ENPEP: variants seen among roughly 807,000 people sequenced by gnomAD.
ENPEP encodes glutamyl aminopeptidase.
A neutral mutation model predicts 114.5 loss-of-function variants in ENPEP; 103 were observed. That is an observed-to-expected ratio of 0.90 (90% CI 0.77 to 1.06). ENPEP has a LOEUF of 1.06. ENPEP is among the 50% of genes least tolerant of loss of function. The pLI is 0.00. For synonymous variants in ENPEP, 420 were observed against 422.0 expected, an observed-to-expected ratio of 1.00 and a Z score of 0.06; for missense variants, 1,196 against 1,161.3, an observed-to-expected ratio of 1.03 and a Z score of -0.43.
chr4:110,525,637 C>A (rs1726167453), intron 10 of ENPEP, among the ~76,000 whole-genome samples: 1 of 149,364 alleles, frequency 6.7e-6, no homozygotes, highest in African/African-American at 2.4e-5. Context: ...ATTAGAATAA[C>A]ACAAAAAGAT....
intron 3 of ENPEP, among the ~76,000 whole-genome samples, chr4:110,500,505 A>C (rs1725113529): frequency 6.6e-6 from 1 of 152,158 alleles, no homozygotes; most frequent in African/African-American, 2.4e-5. Flanking sequence ...ATATGCATGA[A>C]AGTTAGGTTC....
intron 10 of ENPEP, among the ~76,000 whole-genome samples, chr4:110,523,216 A>T (rs146187124): frequency 6.6e-6 from 1 of 152,196 alleles, no homozygotes. Flanking sequence ...AAGACTATAT[A>T]TAAAAATTAT....
At chr4:110,541,520 C>G (rs769902674) in intron 11 of ENPEP, among the ~76,000 whole-genome samples, 3 of 152,098 alleles carry the variant, frequency 2.0e-5, no homozygotes, top group Non-Finnish European at 4.4e-5. Context: ...TCCTCTATTG[C>G]CCTACATGAC....
chr4:110,491,952 C>T (rs1012404817), intron 3 of ENPEP, among the ~76,000 whole-genome samples: 5 of 152,088 alleles, frequency 3.3e-5, no homozygotes, highest in African/African-American at 1.2e-4. Flanking sequence ...AACTCCTGAC[C>T]TCAGGTGACC....
rs779151732 is a variant in ENPEP, at chr4:110,553,434, A to C, written c.2621A>C (p.Asn874Thr). ...KNMAWNWIQL[N>T]WDYLVNRYTL... ...ATGGCCTGGAATTGGATACAACTCAACTGGGACTATCTAGTCAACAGGTGG... is the reference window on the plus strand; with the variant it reads ...ATGGCCTGGAATTGGATACAACTCACCTGGGACTATCTAGTCAACAGGTGG... The change falls in exon 18 of 20, where the codon AAC becomes ACC. Residue 874 changes from asparagine (N) to threonine (T), a missense_variant. Transcript: ENST00000265162. The C allele has an allele frequency of 6.2e-7, 1 of 1,610,314 alleles. No individual in the cohort carries two copies. Among genetic ancestry groups the C allele is most frequent in the Admixed American group, 1.7e-5 (1 of 59,946 alleles).
rs756572616 is a variant in ENPEP at position 110,510,274 on chromosome 4, G to A, written c.1224G>A (p.Trp408Ter). The change falls in exon 6 of 20, where the codon TGG (tryptophan) becomes TGA (stop). Residue 408 changes from tryptophan (W) to a stop codon, truncating the protein, a stop_gained. Coordinates refer to ENST00000265162, the MANE Select transcript of ENPEP (RefSeq NM_001977.4). LOFTEE classifies it high-confidence loss of function. ...QWFGNIVTMD[W>*]WEDLWLNEGF... is the part of the protein sequence containing the mutation. ...TTGGAAATATTGTGACCATGGACTG[G>A]TGGGAAGACTTGTGGCTAAATGAAG... 6.2e-6 allele frequency: 10 copies of A among 1,614,038 alleles called. No individual in the cohort carries two copies. The highest frequency in any genetic ancestry group is 4.0e-5 in the African/African-American group (3 of 74,926).
chr4:110,559,581 G>A (rs1472256636), intron 18 of ENPEP, 66 bp from the exon 19 acceptor site: 1 of 1,125,474 alleles, frequency 8.9e-7, no homozygotes, highest in African/African-American at 1.6e-5. Flanking sequence ...GGAAACATCT[G>A]CATTTAGAGA....
At chr4:110,507,619 A>AT (rs1287131492) in intron 4 of ENPEP, among the ~76,000 whole-genome samples, 1 of 152,226 alleles carries the variant, frequency 6.6e-6, no homozygotes, top group Non-Finnish European at 1.5e-5. Context: ...ATACAATTCT[A>AT]TTTTTTGATT....
chr4:110,478,293 T>C (rs1394694791), intron 1 of ENPEP, among the ~76,000 whole-genome samples: 1 of 152,194 alleles, frequency 6.6e-6, no homozygotes, highest in Non-Finnish European at 1.5e-5. Context: ...GAAGAAAATA[T>C]CTGTAGGGGT....
intron 10 of ENPEP, among the ~76,000 whole-genome samples, chr4:110,530,521 G>T (rs1560564867): frequency 6.6e-6 from 1 of 152,054 alleles, no homozygotes; most frequent in Non-Finnish European, 1.5e-5. Context: ...GAGATTTCAA[G>T]ACAAAACTGT....
chr4:110,512,996 A>C (rs1336240010), intron 6 of ENPEP: 2 of 153,578 alleles, frequency 1.3e-5, no homozygotes, highest in Non-Finnish European at 2.9e-5. Flanking sequence ...ATAACAAGTT[A>C]ATATTAGAAA....
chr4:110,501,608 A>G (rs1355087507), intron 3 of ENPEP, among the ~76,000 whole-genome samples: 1 of 152,200 alleles, frequency 6.6e-6, no homozygotes, highest in Non-Finnish European at 1.5e-5. Context: ...TGCAAAGGAC[A>G]TGATCTCATT....
chr4:110,541,091 A>T (rs528884806), intron 11 of ENPEP, among the ~76,000 whole-genome samples: 2 of 152,166 alleles, frequency 1.3e-5, no homozygotes, highest in Non-Finnish European at 2.9e-5. Context: ...CAGATGCCAA[A>T]AGATTAGCTT....
At chr4:110,540,556 A>G (rs1449405048) in intron 11 of ENPEP, among the ~76,000 whole-genome samples, 2 of 152,168 alleles carry the variant, frequency 1.3e-5, no homozygotes, top group African/African-American at 4.8e-5. Context: ...AACTGTTCCA[A>G]AAGTAGCATG....
intron 10 of ENPEP, among the ~76,000 whole-genome samples, chr4:110,527,316 C>T (rs918438897): frequency 2.0e-5 from 3 of 152,058 alleles, no homozygotes; most frequent in African/African-American, 7.2e-5. Flanking sequence ...CCTCAGACAC[C>T]CAGCCTCCCA....
At chr4:110,508,004 G>A (rs761603215) in intron 4 of ENPEP, among the ~76,000 whole-genome samples, 4 of 152,086 alleles carry the variant, frequency 2.6e-5, no homozygotes, top group Non-Finnish European at 4.4e-5. Flanking sequence ...ATAAAATATT[G>A]TACACATGAA....
chr4:110,546,106 C>T (rs538927503), intron 13 of ENPEP, among the ~76,000 whole-genome samples: 34 of 152,124 alleles, frequency 2.2e-4, no homozygotes, highest in African/African-American at 8.2e-4. Context: ...ACTGACAGCA[C>T]TCTTTGAAAG....
rs1324239749 is a variant in ENPEP at position 110,562,621 on chromosome 4, T to G, written c.*1063T>G. On this transcript the variant is annotated 3_prime_UTR_variant, in exon 20 of 20. Coordinates refer to ENST00000265162, the MANE Select transcript of ENPEP (RefSeq NM_001977.4). ...TAGATCAATTTTATGTATAAACCCTTAGATCCTAATCCATACAGAATAGCA... is the reference window on the plus strand; with the variant it reads ...TAGATCAATTTTATGTATAAACCCTGAGATCCTAATCCATACAGAATAGCA... 1 of 152,138 alleles carries G rather than the reference T, an allele frequency of 6.6e-6. No homozygotes were observed. Among genetic ancestry groups the G allele is most frequent in the East Asian group, 1.9e-4 (1 of 5,198 alleles). 9.4% of individuals were successfully genotyped at this position (152,138 alleles called of 1,614,324 possible).
At chr4:110,494,792 G>A (rs1332536025) in intron 3 of ENPEP, among the ~76,000 whole-genome samples, 4 of 152,162 alleles carry the variant, frequency 2.6e-5, no homozygotes, top group African/African-American at 9.7e-5. Flanking sequence ...GCTAAACAGA[G>A]TAACATGAAG....
Sources: gnomAD v4.1 joint callset for allele counts (sites outside exome capture counted in the v4.1 genomes callset) on GRCh38, gnomAD v4.1.1 for gene constraint, MANE v1.5 for transcripts, NCBI Gene and HGNC (gene_info 2026-07-23, HGNC 2026-07-21) for gene names.